The following RIF1 variants were observed in gnomAD, a reference collection of about 807,000 sequenced individuals.
RIF1 encodes the protein telomere-associated protein RIF1.
A neutral mutation model predicts 247.1 loss-of-function variants in RIF1; 45 were observed. The observed-to-expected ratio is 0.18, with a 90% CI of 0.14 to 0.23. The LOEUF (loss-of-function observed/expected upper bound fraction) is 0.23, where lower values mean the gene tolerates loss of function less well. Among genes scored for constraint, RIF1 ranks in the 10% least tolerant of loss-of-function variants. The probability of loss-of-function intolerance (pLI) is 1.00; values close to 1 mark genes in which losing one functional copy is unlikely to be tolerated. For synonymous variants in RIF1, 1,087 were observed against 978.8 expected (o/e 1.11, Z -2.06); for missense variants, 2,967 against 2,862.5 (o/e 1.04, Z -0.83).
At chr2:151,505,384 G>T in intron 12 of RIF1, 1 of 1,071,306 alleles carries the variant, frequency 9.3e-7, no homozygotes, top group Non-Finnish European at 1.4e-6. Flanking sequence ...AGGCATGGAA[G>T]CTCTTGATAG....
At chr2:151,502,625 A>G (rs1408040939) in intron 11 of RIF1, among the ~76,000 whole-genome samples, 2 of 152,198 alleles carry the variant, frequency 1.3e-5, no homozygotes, top group Non-Finnish European at 2.9e-5. Flanking sequence ...AAACACAGTT[A>G]AAATTTCACA....
At chr2:151,441,068 C>CA (rs1404343895) in intron 15 of RIF1, among the ~76,000 whole-genome samples, 1 of 152,124 alleles carries the variant, frequency 6.6e-6, no homozygotes, top group East Asian at 1.9e-4. Context: ...GGGCAAATTG[C>CA]AAAAATTAGC....
Position 151,409,921 on chromosome 2 carries a change from G to A in RIF1, c.-123G>A. 1 of 700,658 alleles carries A rather than the reference G, an allele frequency of 1.4e-6. No homozygotes were observed. The allele number at this position is 700,658 out of a possible 1,614,324, so 43.4% of individuals were successfully genotyped here. A position where few individuals can be genotyped will look rare whatever the true frequency, so the allele number is the denominator to read the frequency against. On this transcript the variant is annotated 5_prime_UTR_variant, in exon 1 of 36. Coordinates refer to ENST00000444746, the MANE Select transcript of RIF1 (RefSeq NM_018151.5). ...CCGCCCAGCCGCCATCTTGGTCTAG[G>A]AGGGAGCGCGCCGCACGCGTGAGTA... is the stretch of plus-strand genomic sequence containing the variant.
At chr2:151,466,222 GC>G in intron 30 of RIF1, 102 bp downstream of exon 30, 1 of 672,502 alleles carries the variant, frequency 1.5e-6, no homozygotes, top group Non-Finnish European at 2.6e-6. Context: ...CAATTATATG[GC>G]CACTCATTTG....
intron 9 of RIF1, among the ~76,000 whole-genome samples, chr2:151,432,682 G>A (rs1256832486): frequency 1.3e-5 from 2 of 152,162 alleles, no homozygotes; most frequent in African/African-American, 4.8e-5. Flanking sequence ...GGCATTTTGT[G>A]CTGGATAATT....
At chr2:151,459,882 T>G in intron 25 of RIF1, 118 bp from the exon 26 acceptor site, 2 of 840,688 alleles carry the variant, frequency 2.4e-6, no homozygotes, top group Non-Finnish European at 3.6e-6. Context: ...ATTGAATAAT[T>G]AGAAAAATTT....
At chr2:151,519,748 G>A in the RIF1 span, 18 of 1,610,878 alleles carry the variant, frequency 1.1e-5, no homozygotes, top group East Asian at 4.5e-5. Flanking sequence ...TTTCTTTATC[G>A]AAATTTTCTC....
rs201566336 is a variant in RIF1 at position 151,494,170 on chromosome 2, G to A, written c.*416-1059G>A. ...TTTCTCAAGACAATACCGAGCTAAT[G>A]TTTTCTTGATTGCGTTTGACTCTCT... On this transcript the variant is annotated intron_variant and NMD_transcript_variant, in intron 9 of 13. Transcript: ENST00000454583. The A allele has an allele frequency of 8.6e-5, 138 of 1,605,602 alleles. No homozygotes were observed. The highest frequency in any genetic ancestry group is 8.1e-5 in the Non-Finnish European group (95 of 1,175,324).
intron 14 of RIF1, among the ~76,000 whole-genome samples, chr2:151,439,367 A>G (rs953572074): frequency 6.6e-6 from 1 of 152,196 alleles, no homozygotes; most frequent in African/African-American, 2.4e-5. Context: ...TTACATGCTT[A>G]GAAATACACC....
chr2:151,501,463 C>T, intron 11 of RIF1: 2 of 1,528,656 alleles, frequency 1.3e-6, no homozygotes, highest in Non-Finnish European at 8.8e-7. Context: ...TCCCCTTGCT[C>T]AAGTTCTCTT....
At chr2:151,438,353 C>G (rs141864907) in intron 13 of RIF1, among the ~76,000 whole-genome samples, 83 of 152,112 alleles carry the variant, frequency 5.5e-4, no homozygotes, top group Non-Finnish European at 8.7e-4. Flanking sequence ...TGGTGTGTAC[C>G]TATAGTCCTA....
intron 18 of RIF1, 82 bp from the exon 19 acceptor site, chr2:151,445,256 C>A: frequency 1.2e-6 from 1 of 844,588 alleles, no homozygotes; most frequent in Non-Finnish European, 2.0e-6. Context: ...GTTTTGCCCA[C>A]TACTTATAAA....
At position 151,418,968 on chromosome 2, in the gene RIF1, C is replaced by CT. The variant is rs36020810; in HGVS notation, c.504-1199dup. 5.8e-3 allele frequency among the ~76,000 whole-genome samples: 651 copies of CT among 111,718 alleles called. 6 individuals are homozygous for CT. The highest frequency in any genetic ancestry group is 0.02 in the African/African-American group (614 of 30,456). The allele number at this position is 111,718 out of a possible 152,430, so 73.3% of individuals were successfully genotyped here. On this transcript the variant is annotated intron_variant, in intron 6 of 35. Coordinates refer to ENST00000444746, the MANE Select transcript of RIF1 (RefSeq NM_018151.5). The stretch of plus-strand genomic sequence containing the variant: ...ATCCTTATTCTAGGAGCCTTAAATT[C>CT]TTTTTTTTTTTTTTTTTTTTTTTAA...
At chr2:151,528,193 G>A in the RIF1 span, among the ~76,000 whole-genome samples, 1 of 152,140 alleles carries the variant, frequency 6.6e-6, no homozygotes, top group Non-Finnish European at 1.5e-5. Context: ...CTTCAGGGCT[G>A]GAGAACTGGC....
At chr2:151,418,272 T>C (rs1198928229) in intron 6 of RIF1, among the ~76,000 whole-genome samples, 1 of 152,198 alleles carries the variant, frequency 6.6e-6, no homozygotes, top group East Asian at 1.9e-4. Context: ...TGGTGTGATA[T>C]CAGCTCTCTG....
chr2:151,481,102 A>C lies in RIF1; in HGVS notation c.*6031A>C, dbSNP rs2049150852. The C allele has an allele frequency of 6.6e-6, 1 of 152,236 alleles. No individual in the cohort carries two copies. Among genetic ancestry groups the C allele is most frequent in the South Asian group, 2.1e-4 (1 of 4,832 alleles). The allele number at this position is 152,236 out of a possible 1,614,324, so 9.4% of individuals were successfully genotyped here. A position where few individuals can be genotyped will look rare whatever the true frequency, so the allele number is the denominator to read the frequency against. On this transcript the variant is annotated 3_prime_UTR_variant, in exon 36 of 36. Transcript: ENST00000444746. ...GTACAGTGGCTGAGTTTAGTAGTAT[A>C]GCAGAGTCTGTATGGCTTCCAACAG... is the stretch of plus-strand genomic sequence containing the variant.
chr2:151,410,216 G>T, intron 1 of RIF1, 183 bp downstream of exon 1: 1 of 629,208 alleles, frequency 1.6e-6, no homozygotes, highest in South Asian at 1.8e-5. Context: ...CGAATGTGGC[G>T]TGGGCTCAGG....
chr2:151,458,526 C>T (rs758165207), intron 24 of RIF1, among the ~76,000 whole-genome samples: 2 of 151,896 alleles, frequency 1.3e-5, no homozygotes, highest in African/African-American at 2.4e-5. Flanking sequence ...GCCACTGTGC[C>T]CTGCCTGGAT....
chr2:151,526,207 T>G, the RIF1 span: 3 of 1,613,924 alleles, frequency 1.9e-6, no homozygotes, highest in Non-Finnish European at 2.5e-6. Context: ...CTGAGGCGTG[T>G]CAGGTACGGC....
Sources: allele counts gnomAD v4.1 joint callset (sites outside exome capture counted in the v4.1 genomes callset), GRCh38; gene constraint gnomAD v4.1.1; transcripts MANE v1.5; gene names NCBI Gene and HGNC (gene_info 2026-07-23, HGNC 2026-07-21).